The following STXBP5L variants were observed in gnomAD, a reference collection of about 807,000 sequenced individuals.
The protein encoded by STXBP5L is syntaxin binding protein 5L.
STXBP5L carries 65 observed loss-of-function variants against 144.5 expected under a neutral mutation model. The ratio of observed to expected loss-of-function variants is 0.45; its 90% confidence interval spans 0.37 to 0.55. The LOEUF is 0.55. Among genes scored for constraint, STXBP5L ranks in the 20% least tolerant of loss-of-function variants. The probability of loss-of-function intolerance (pLI) is 0.00; values close to 1 mark genes in which losing one functional copy is unlikely to be tolerated. For missense variants in STXBP5L, 1,298 were observed against 1,405.5 expected (o/e 0.92, Z 1.22); for synonymous variants, 505 against 469.6 (o/e 1.08, Z -0.97).
intron 2 of STXBP5L, among the ~76,000 whole-genome samples, chr3:120,943,877 C>G (rs1346508372): frequency 6.7e-6 from 1 of 149,374 alleles, no homozygotes; most frequent in African/African-American, 2.5e-5. Flanking sequence ...TTATTTTTCT[C>G]TCTGTCTCGC....
intron 2 of STXBP5L, among the ~76,000 whole-genome samples, chr3:120,953,830 A>G (rs1051954567): frequency 6.6e-6 from 1 of 152,182 alleles, no homozygotes; most frequent in Non-Finnish European, 1.5e-5. Context: ...TGGATGGGAT[A>G]GAACCTTCAG....
At chr3:120,964,491 C>T (rs1007429277) in intron 3 of STXBP5L, among the ~76,000 whole-genome samples, 1 of 152,138 alleles carries the variant, frequency 6.6e-6, no homozygotes, top group African/African-American at 2.4e-5. Context: ...TCATTGGTTT[C>T]AAAGAACATC....
intron 3 of STXBP5L, among the ~76,000 whole-genome samples, chr3:120,969,396 G>GTTTTTTTTT (rs57093267): frequency 7.6e-6 from 1 of 131,322 alleles, no homozygotes; most frequent in Non-Finnish European, 1.6e-5. Context: ...GATTATTTGT[G>GTTTTTTTTT]TTTTTTTTTT....
intron 7 of STXBP5L, among the ~76,000 whole-genome samples, chr3:121,135,337 AT>A (rs2045198527): frequency 6.6e-6 from 1 of 152,056 alleles, no homozygotes; most frequent in Non-Finnish European, 1.5e-5. Flanking sequence ...GATTGCAAAA[AT>A]TTTCTCCCAT....
chr3:121,288,631 G>C (rs970671221), intron 19 of STXBP5L, among the ~76,000 whole-genome samples: 7 of 152,126 alleles, frequency 4.6e-5, no homozygotes, highest in African/African-American at 1.2e-4. Context: ...TTGGAATCAT[G>C]TGTGTCTTCT....
At chr3:121,250,801 T>C (rs1283915402) in intron 15 of STXBP5L, 38 bp downstream of exon 15, 1 of 1,573,046 alleles carries the variant, frequency 6.4e-7, no homozygotes, top group Non-Finnish European at 8.7e-7. Flanking sequence ...AACCAATTGG[T>C]TAATATTTAC....
Position 121,290,642 on chromosome 3 carries a change from G to A in STXBP5L, c.2110+10686G>A, listed in dbSNP as rs138943875. On this transcript the variant is annotated intron_variant, in intron 19 of 26. Transcript: ENST00000471454. ...AGACTGATATCCCTGGTGAACGTAC[G>A]TGCAAATATCCTCAACAAAATACTA... Among the ~76,000 whole-genome samples the A allele has an allele frequency of 8.9e-3, 1,356 of 152,050 alleles. 15 individuals are homozygous for A. The highest frequency in any genetic ancestry group is 0.012 in the Non-Finnish European group (797 of 67,892).
At chr3:121,413,660 A>G (rs1310504784) in intron 24 of STXBP5L, among the ~76,000 whole-genome samples, 7 of 152,182 alleles carry the variant, frequency 4.6e-5, no homozygotes, top group East Asian at 1.9e-4. Flanking sequence ...AAAAATTTCT[A>G]TACCATTCAA....
intron 18 of STXBP5L, 60 bp downstream of exon 18, chr3:121,259,228 A>G: frequency 7.5e-7 from 1 of 1,327,164 alleles, no homozygotes; most frequent in Non-Finnish European, 9.8e-7. Flanking sequence ...GATTTTTTAG[A>G]TGTTCCTTGC....
chr3:120,960,769 G>C (rs1466526511), intron 3 of STXBP5L, among the ~76,000 whole-genome samples: 1 of 152,062 alleles, frequency 6.6e-6, no homozygotes, highest in Admixed American at 6.6e-5. Context: ...GTGGGGTGGG[G>C]GCAGGGGGGA....
At chr3:121,358,661 A>G (rs1252213076) in intron 20 of STXBP5L, among the ~76,000 whole-genome samples, 1 of 152,180 alleles carries the variant, frequency 6.6e-6, no homozygotes, top group African/African-American at 2.4e-5. Flanking sequence ...ACACAGAGCC[A>G]AACCATATAA....
Position 120,936,744 on chromosome 3 carries a change from G to A in STXBP5L, c.190-18196G>A, listed in dbSNP as rs993625925. ...CCTGCCTCAGCCTCCCAAGTAGCTGGGACTACTGGTGCCCACCACCACACC... is the reference window on the plus strand; with the variant it reads ...CCTGCCTCAGCCTCCCAAGTAGCTGAGACTACTGGTGCCCACCACCACACC... On this transcript the variant is annotated intron_variant, in intron 2 of 26. Coordinates refer to ENST00000471454, the MANE Select transcript of STXBP5L (RefSeq NM_001308330.2). 2.2e-4 allele frequency among the ~76,000 whole-genome samples: 33 copies of A among 151,952 alleles called. 1 individual carries two copies. The highest frequency in any genetic ancestry group is 1.0e-4 in the Non-Finnish European group (7 of 67,998).
At chr3:121,346,961 A>G (rs1353932303) in intron 20 of STXBP5L, among the ~76,000 whole-genome samples, 1 of 152,230 alleles carries the variant, frequency 6.6e-6, no homozygotes, top group East Asian at 1.9e-4. Flanking sequence ...GTTTAATTAG[A>G]TCCCATTTGT....
At position 121,387,883 on chromosome 3, in the gene STXBP5L, A is replaced by ATG. The variant is rs1439926969; in HGVS notation, c.2587+6351_2587+6352insTG. On this transcript the variant is annotated intron_variant, in intron 22 of 26. Coordinates refer to ENST00000471454, the MANE Select transcript of STXBP5L (RefSeq NM_001308330.2). ...TTGCTTAGGATTGTCTTGGCGATGC[A>ATG]GGCTCTTTTTTGGTTCCATATGAAC... Among the ~76,000 whole-genome samples the ATG allele has an allele frequency of 1.4e-3, 215 of 152,160 alleles. 1 individual carries two copies. The highest frequency in any genetic ancestry group is 3.4e-3 in the Middle Eastern group (1 of 294).
chr3:121,021,383 C>T (rs1322100487), intron 3 of STXBP5L, among the ~76,000 whole-genome samples: 2 of 152,048 alleles, frequency 1.3e-5, no homozygotes, highest in Non-Finnish European at 2.9e-5. Context: ...AACAAAGAAA[C>T]AATGGACTTA....
At chr3:121,173,000 A>T (rs1436456813) in intron 9 of STXBP5L, among the ~76,000 whole-genome samples, 1 of 149,692 alleles carries the variant, frequency 6.7e-6, no homozygotes, top group Admixed American at 6.7e-5. Flanking sequence ...CTATGCAGCC[A>T]TAAAAAAGGA....
At chr3:121,366,166 A>T (rs1019885306) in intron 20 of STXBP5L, among the ~76,000 whole-genome samples, 9 of 151,982 alleles carry the variant, frequency 5.9e-5, no homozygotes, top group Admixed American at 2.6e-4. Flanking sequence ...TCAAGACTTC[A>T]ATTATGGTCT....
chr3:121,043,318 C>A (rs1688681), intron 4 of STXBP5L, among the ~76,000 whole-genome samples: 2 of 151,868 alleles, frequency 1.3e-5, no homozygotes, highest in African/African-American at 4.8e-5. Context: ...CTGTGGTGTT[C>A]TGCTTACTTT....
chr3:121,422,407 T>C lies in STXBP5L; in HGVS notation c.*3310T>C, dbSNP rs910739808. On this transcript the variant is annotated 3_prime_UTR_variant, in exon 27 of 27. Transcript: ENST00000471454. Reference sequence around the variant, plus strand: ...GATTTCCTTGGAAGATAAGGCCTTTTTAGTGTTACAGTAGAAAATGGGCCT... The same window carrying C: ...GATTTCCTTGGAAGATAAGGCCTTTCTAGTGTTACAGTAGAAAATGGGCCT... The C allele has an allele frequency of 1.1e-4, 16 of 152,150 alleles. No individual in the cohort carries two copies. Among genetic ancestry groups the C allele is most frequent in the Non-Finnish European group, 1.8e-4 (12 of 68,012 alleles). The allele number at this position is 152,150 out of a possible 1,614,324, so 9.4% of individuals were successfully genotyped here.
Sources: allele counts gnomAD v4.1 joint callset (sites outside exome capture counted in the v4.1 genomes callset), GRCh38; gene constraint gnomAD v4.1.1; transcripts MANE v1.5; gene names NCBI Gene and HGNC (gene_info 2026-07-23, HGNC 2026-07-21).